RIMS2: variants seen among roughly 807,000 people sequenced by gnomAD.
RIMS2 encodes regulating synaptic membrane exocytosis 2.
A neutral mutation model predicts 174.4 loss-of-function variants in RIMS2; 59 were observed. That is an observed-to-expected ratio of 0.34 (90% CI 0.27 to 0.42). The LOEUF (loss-of-function observed/expected upper bound fraction) is 0.42, where lower values mean the gene tolerates loss of function less well. Among genes scored for constraint, RIMS2 ranks in the 10% least tolerant of loss-of-function variants. The pLI is 1.00. For missense variants in RIMS2, 1,620 were observed against 1,666.3 expected, an observed-to-expected ratio of 0.97 and a Z score of 0.48; for synonymous variants, 606 against 572.5, an observed-to-expected ratio of 1.06 and a Z score of -0.84.
intron 3 of RIMS2, among the ~76,000 whole-genome samples, chr8:103,811,769 A>G (rs2098689415): frequency 6.6e-6 from 1 of 152,202 alleles, no homozygotes; most frequent in South Asian, 2.1e-4. Context: ...AGGTGTGGGA[A>G]CTGCTCTTGC....
At chr8:103,570,024 G>C (rs139344352) in intron 1 of RIMS2, among the ~76,000 whole-genome samples, 12 of 152,176 alleles carry the variant, frequency 7.9e-5, no homozygotes, top group African/African-American at 2.9e-4. Flanking sequence ...TTTGAATATT[G>C]GTCTTGTATC....
intron 17 of RIMS2, among the ~76,000 whole-genome samples, chr8:104,005,005 A>G (rs993283470): frequency 2.0e-5 from 3 of 152,180 alleles, no homozygotes; most frequent in African/African-American, 7.2e-5. Flanking sequence ...CAGGGTGGAT[A>G]AGGAAAGAAG....
intron 19 of RIMS2, among the ~76,000 whole-genome samples, chr8:104,217,997 A>G (rs1429181932): frequency 6.6e-6 from 1 of 152,250 alleles, no homozygotes. Context: ...TATTTAGCAT[A>G]AAGACACTTG....
At chr8:103,794,018 T>C (rs1420017023) in intron 3 of RIMS2, among the ~76,000 whole-genome samples, 2 of 152,136 alleles carry the variant, frequency 1.3e-5, no homozygotes, top group Non-Finnish European at 2.9e-5. Context: ...CAAGGTAATT[T>C]ATAGATTCAA....
chr8:103,705,814 T>C (rs922303515), intron 2 of RIMS2, among the ~76,000 whole-genome samples: 6 of 151,960 alleles, frequency 3.9e-5, no homozygotes, highest in African/African-American at 1.2e-4. Flanking sequence ...GAGTTTCTTC[T>C]AGGCAGCATA....
chr8:104,013,155 C>T (rs2095811203), intron 17 of RIMS2, among the ~76,000 whole-genome samples: 3 of 152,050 alleles, frequency 2.0e-5, no homozygotes, highest in Admixed American at 2.0e-4. Flanking sequence ...TCACGTATTC[C>T]ATTTAGGGAA....
At chr8:103,673,405 A>G (rs1225878125) in intron 1 of RIMS2, among the ~76,000 whole-genome samples, 1 of 152,162 alleles carries the variant, frequency 6.6e-6, no homozygotes, top group Non-Finnish European at 1.5e-5. Context: ...CACTCTTAGG[A>G]GGCTTCCGCG....
intron 15 of RIMS2, among the ~76,000 whole-genome samples, chr8:103,972,497 G>C (rs768804541): frequency 6.6e-6 from 1 of 152,064 alleles, no homozygotes; most frequent in East Asian, 1.9e-4. Flanking sequence ...CCCACGAATG[G>C]GTTAAAATCA....
chr8:103,819,449 A>T (rs2098737492), intron 3 of RIMS2: 3 of 1,601,162 alleles, frequency 1.9e-6, no homozygotes, highest in Non-Finnish European at 2.5e-6. Flanking sequence ...CAGCAAATAG[A>T]TGATTTTAAA....
chr8:103,624,790 A>G (rs1430995130), intron 1 of RIMS2, among the ~76,000 whole-genome samples: 1 of 152,144 alleles, frequency 6.6e-6, no homozygotes, highest in African/African-American at 2.4e-5. Flanking sequence ...ATTATCCTCA[A>G]TTTAAAAGAT....
chr8:103,606,200 G>T, intron 1 of RIMS2, among the ~76,000 whole-genome samples: 1 of 139,940 alleles, frequency 7.1e-6, no homozygotes, highest in Non-Finnish European at 1.6e-5. Context: ...GGTATGTTGT[G>T]TCTTTGTTCT....
chr8:103,754,705 A>G (rs13275465), intron 2 of RIMS2, among the ~76,000 whole-genome samples: 17,637 of 151,696 alleles, frequency 0.12, 1,360 homozygotes, highest in Non-Finnish European at 0.17. Flanking sequence ...GTCTCTTTTG[A>G]TCTTTGTTGG....
At chr8:103,539,764 C>A (rs768338895) in intron 1 of RIMS2, among the ~76,000 whole-genome samples, 4 of 152,262 alleles carry the variant, frequency 2.6e-5, no homozygotes, top group Non-Finnish European at 4.4e-5. Context: ...CTCTTCCAAC[C>A]CTGCCTGTGC....
intron 1 of RIMS2, among the ~76,000 whole-genome samples, chr8:103,535,058 G>T (rs1003918455): frequency 3.9e-5 from 6 of 152,172 alleles, no homozygotes; most frequent in Non-Finnish European, 5.9e-5. Flanking sequence ...CTGGCTAAAA[G>T]AATGTTTTTT....
chr8:103,584,397 G>A (rs1373612369), intron 1 of RIMS2, among the ~76,000 whole-genome samples: 2 of 151,612 alleles, frequency 1.3e-5, no homozygotes, highest in Non-Finnish European at 2.9e-5. Flanking sequence ...TCACCTGAAG[G>A]TACCAAACTT....
At chr8:103,554,989 A>G (rs1031850086) in intron 1 of RIMS2, among the ~76,000 whole-genome samples, 2 of 152,176 alleles carry the variant, frequency 1.3e-5, no homozygotes, top group East Asian at 1.9e-4. Flanking sequence ...TTGAGTACAC[A>G]TGGACACAAT....
intron 19 of RIMS2, among the ~76,000 whole-genome samples, chr8:104,161,130 AC>A (rs2098758039): frequency 2.6e-5 from 4 of 152,150 alleles, no homozygotes; most frequent in Admixed American, 2.6e-4. Flanking sequence ...CTATTAAATG[AC>A]AGCTGTTATT....
At chr8:103,910,030 C>T (rs564180393) in intron 4 of RIMS2, 3 of 651,376 alleles carry the variant, frequency 4.6e-6, no homozygotes, top group Non-Finnish European at 8.2e-6. Context: ...AGACAAAGTT[C>T]TTGAGACCAG....
chr8:104,049,935 A>G (rs1405305196), intron 19 of RIMS2, among the ~76,000 whole-genome samples: 1 of 152,156 alleles, frequency 6.6e-6, no homozygotes, highest in Non-Finnish European at 1.5e-5. Flanking sequence ...TAATGCCCAA[A>G]TGTATATTTT....
Sources: allele counts gnomAD v4.1 joint callset (sites outside exome capture counted in the v4.1 genomes callset), GRCh38; gene constraint gnomAD v4.1.1; transcripts MANE v1.5; gene names NCBI Gene and HGNC (gene_info 2026-07-23, HGNC 2026-07-21).